The following GET1 variants were observed in gnomAD, a reference collection of about 807,000 sequenced individuals.
The protein encoded by GET1 is guided entry of tail-anchored proteins factor 1.
GET1 carries 20 observed loss-of-function variants against 22.6 expected under a neutral mutation model. The ratio of observed to expected loss-of-function variants is 0.89; its 90% confidence interval spans 0.62 to 1.29. The LOEUF (loss-of-function observed/expected upper bound fraction) is 1.29. GET1 is among the 50% of genes most tolerant of loss of function. GET1 has a pLI of 0.00. For synonymous variants in GET1, 92 were observed against 83.8 expected (o/e 1.10, Z -0.53); for missense variants, 209 against 219.9 (o/e 0.95, Z 0.31).
downstream of GET1, chr21:39,410,123 A>G (rs771254633): frequency 2.0e-6 from 3 of 1,479,926 alleles, no homozygotes; most frequent in African/African-American, 1.4e-5. Flanking sequence ...CAGCAAAAAC[A>G]CATTTTGGGG....
At chr21:39,420,384 G>A (rs2042078690) in intron 1 of GET1, among the ~76,000 whole-genome samples, 1 of 151,932 alleles carries the variant, frequency 6.6e-6, no homozygotes, top group Admixed American at 6.6e-5. Flanking sequence ...TTAGCCAAGC[G>A]TGGTGTTGCA....
At chr21:39,416,478 G>A (rs1348505370) in intron 1 of GET1, among the ~76,000 whole-genome samples, 8 of 152,066 alleles carry the variant, frequency 5.3e-5, no homozygotes, top group Non-Finnish European at 1.0e-4. Flanking sequence ...TGTATTTCCT[G>A]CACCAGACCT....
intron 1 of GET1, among the ~76,000 whole-genome samples, chr21:39,424,717 T>A (rs973939980): frequency 6.6e-6 from 1 of 152,216 alleles, no homozygotes; most frequent in African/African-American, 2.4e-5. Flanking sequence ...ATACCGATTT[T>A]CCATCTCTCA....
chr21:39,423,590 CCACACACATA>C (rs2074109700), intron 1 of GET1: 1 of 983,792 alleles, frequency 1.0e-6, no homozygotes, highest in East Asian at 2.5e-5. Context: ...TGCACACACA[CCACACACATA>C]CACACAAGCG....
intron 1 of GET1, among the ~76,000 whole-genome samples, chr21:39,414,713 C>CCTCTCTCT (rs147915021): frequency 1.3e-4 from 15 of 119,958 alleles, no homozygotes; most frequent in East Asian, 4.9e-4. Context: ...TGGTTCTCTC[C>CCTCTCTCT]CTCTCTCTCT....
intron 4 of GET1, among the ~76,000 whole-genome samples, chr21:39,394,222 T>C (rs2038493997): frequency 6.6e-6 from 1 of 152,016 alleles, no homozygotes; most frequent in Non-Finnish European, 1.5e-5. Context: ...TCCAGCTACT[T>C]GGGAGGCTGA....
intron 1 of GET1, among the ~76,000 whole-genome samples, chr21:39,416,614 CA>C (rs1435710790): frequency 2.6e-5 from 4 of 152,012 alleles, no homozygotes; most frequent in Non-Finnish European, 4.4e-5. Flanking sequence ...CACTTCAGAT[CA>C]AAATCAGGAC....
downstream of GET1, among the ~76,000 whole-genome samples, chr21:39,400,487 A>G (rs938189631): frequency 1.3e-5 from 2 of 152,220 alleles, no homozygotes; most frequent in Non-Finnish European, 2.9e-5. Context: ...TCACAATCAC[A>G]TAATGGTTTT....
intron 1 of GET1, chr21:39,422,685 T>C (rs2073964039): frequency 2.0e-6 from 1 of 492,018 alleles, no homozygotes; most frequent in Non-Finnish European, 3.5e-6. Flanking sequence ...CCCTTAGCAC[T>C]GTAGCTGTGC....
chr21:39,423,626 G>A (rs533846833), intron 1 of GET1: 3 of 664,184 alleles, frequency 4.5e-6, no homozygotes, highest in Non-Finnish European at 7.0e-6. Flanking sequence ...GTAACTAGAA[G>A]GGGACAAAAC....
chr21:39,410,164 C>T (rs1049762077), downstream of GET1: 1 of 1,274,176 alleles, frequency 7.8e-7, no homozygotes, highest in Non-Finnish European at 1.1e-6. Flanking sequence ...GCATTTTATT[C>T]TAATGACTAC....
Position 39,405,134 on chromosome 21 carries a change from AT to A in GET1, c.350-768del, listed in dbSNP as rs933407137. 3.8e-3 allele frequency among the ~76,000 whole-genome samples: 541 copies of A among 143,998 alleles called. 5 individuals carry two copies. The highest frequency in any genetic ancestry group is 9.9e-3 in the African/African-American group (391 of 39,548). The allele number at this position is 143,998 out of a possible 152,430, so 94.5% of individuals were successfully genotyped here. The stretch of plus-strand genomic sequence containing the variant: ...TGGCGTGAGCCATGGCACCCAGCCT[AT>A]TTTTTTTTTTTAGTAAAAAGAGTCT... On this transcript the variant is annotated intron_variant, in intron 4 of 4. Transcript: ENST00000415847.
intron 1 of GET1, among the ~76,000 whole-genome samples, chr21:39,416,745 C>A (rs1000888679): frequency 2.6e-5 from 4 of 152,100 alleles, no homozygotes; most frequent in Non-Finnish European, 5.9e-5. Context: ...AAGATACACA[C>A]AACATTCTCA....
chr21:39,414,734 C>CTGTG (rs1446676855), intron 1 of GET1, among the ~76,000 whole-genome samples: 37 of 103,268 alleles, frequency 3.6e-4, no homozygotes, highest in African/African-American at 1.4e-3. Flanking sequence ...CTCTCTCTCT[C>CTGTG]TCTCTCTCTG....
At chr21:39,423,314 C>A (rs748496581) in intron 1 of GET1, 3 of 1,611,370 alleles carry the variant, frequency 1.9e-6, no homozygotes. Context: ...GTAAGGATGG[C>A]TTCCAATTTA....
At chr21:39,424,394 T>A (rs977788152) in intron 1 of GET1, among the ~76,000 whole-genome samples, 1 of 152,114 alleles carries the variant, frequency 6.6e-6, no homozygotes, top group African/African-American at 2.4e-5. Context: ...GGCGGGAGGA[T>A]CCCTTGAGCC....
intron 4 of GET1, 110 bp downstream of exon 4, chr21:39,393,390 C>A: frequency 1.1e-6 from 1 of 878,660 alleles, no homozygotes; most frequent in Non-Finnish European, 1.8e-6. Flanking sequence ...ATTTAGTGAG[C>A]GGGGTTTTGT....
intron 1 of GET1, chr21:39,427,662 C>CA (rs201955094): frequency 0.022 from 2,129 of 94,734 alleles, 31 homozygotes; most frequent in African/African-American, 0.035. Flanking sequence ...GACTCTGTCT[C>CA]AAAAAAAAAA....
At chr21:39,400,425 C>T (rs1171297767), downstream of GET1, among the ~76,000 whole-genome samples, 2 of 152,158 alleles carry the variant, frequency 1.3e-5, no homozygotes, top group Non-Finnish European at 2.9e-5. Flanking sequence ...ATTCCTTGAG[C>T]TTTTCTGTAC....
Sources: allele counts gnomAD v4.1 joint callset (sites outside exome capture counted in the v4.1 genomes callset), GRCh38; gene constraint gnomAD v4.1.1; transcripts MANE v1.5; gene names NCBI Gene and HGNC (gene_info 2026-07-23, HGNC 2026-07-21).